Variants in RSAD2 observed in about 807,000 individuals in gnomAD.
The protein encoded by RSAD2 is radical S-adenosyl methionine domain containing 2, also known as S-adenosylmethionine-dependent nucleotide dehydratase RSAD2.
In RSAD2, 38 loss-of-function variants were observed where a neutral mutation model predicts 37.7. That is an observed-to-expected ratio of 1.01 (90% CI 0.78 to 1.32). RSAD2 has a LOEUF of 1.32. Ranked by LOEUF, RSAD2 falls within the 40% of genes most tolerant of loss-of-function variation. The pLI, the probability that RSAD2 is intolerant of heterozygous loss-of-function variation, is 0.00. For missense variants in RSAD2, 428 were observed against 437.5 expected (o/e 0.98, Z 0.19); for synonymous variants, 163 against 157.4 (o/e 1.04, Z -0.27).
At chr2:6,866,296 C>A (rs1663088588) in intron 1 of RSAD2, 1 of 379,296 alleles carries the variant, frequency 2.6e-6, no homozygotes, top group African/African-American at 2.2e-5. Flanking sequence ...CACGCGTCCC[C>A]GCCCCTCTAA....
At chr2:6,875,751 G>A (rs985984925), upstream of RSAD2, among the ~76,000 whole-genome samples, 2 of 152,170 alleles carry the variant, frequency 1.3e-5, no homozygotes, top group Non-Finnish European at 1.5e-5. Flanking sequence ...TACCTGCCCT[G>A]TTCTCTAACA....
rs1047409320 is a variant in RSAD2, at chr2:6,896,351, G to A, written c.*409G>A. On this transcript the variant is annotated 3_prime_UTR_variant, in exon 6 of 6. Transcript: ENST00000382040. ...TATCTGTGGGGGCAAAATTTAATTT[G>A]GATTTGATTTTTTAAAACAATGTTT... 1.3e-5 allele frequency: 2 copies of A among 154,802 alleles called. No individual in the cohort carries two copies. The highest frequency in any genetic ancestry group is 1.3e-4 in the Admixed American group (2 of 15,350). The allele number at this position is 154,802 out of a possible 1,614,324, so 9.6% of individuals were successfully genotyped here. A position where few individuals can be genotyped will look rare whatever the true frequency, so the allele number is the denominator to read the frequency against.
At chr2:6,867,812 A>G (rs775022369) in intron 1 of RSAD2, among the ~76,000 whole-genome samples, 37 of 152,274 alleles carry the variant, frequency 2.4e-4, no homozygotes, top group Non-Finnish European at 4.1e-4. Context: ...TTTCCTCTCT[A>G]TTTTTCACCT....
At position 6,896,031 on chromosome 2, in the gene RSAD2, C is replaced by T; in HGVS notation, c.*89C>T. 1 of 1,326,254 alleles carries T rather than the reference C, an allele frequency of 7.5e-7. No homozygotes were observed. Among genetic ancestry groups the T allele is most frequent in the Non-Finnish European group, 1.0e-6 (1 of 967,786 alleles). The allele number at this position is 1,326,254 out of a possible 1,614,324, so 82.2% of individuals were successfully genotyped here. ...CTGCAATACTATCCCGTTGGTATTT[C>T]CCAGTGGCTGAAAACCTGATTTTCT... On this transcript the variant is annotated 3_prime_UTR_variant, in exon 6 of 6. Transcript: ENST00000382040.
intron 4 of RSAD2, 44 bp downstream of exon 4, chr2:6,890,369 G>T: frequency 6.3e-7 from 1 of 1,598,144 alleles, no homozygotes; most frequent in Non-Finnish European, 8.6e-7. Context: ...CATACATTCA[G>T]ATTGATTCCC....
intron 3 of RSAD2, among the ~76,000 whole-genome samples, chr2:6,888,403 G>A (rs1403546209): frequency 6.6e-6 from 1 of 152,122 alleles, no homozygotes. Context: ...AAAGAGAGAG[G>A]TCTGATAGGA....
upstream of RSAD2, among the ~76,000 whole-genome samples, chr2:6,874,328 TTCTTTACAGCA>T (rs1325480744): frequency 6.6e-6 from 1 of 152,228 alleles, no homozygotes; most frequent in African/African-American, 2.4e-5. Flanking sequence ...TCTTGGGTAT[TTCTTTACAGCA>T]ATGCAAGAAT....
upstream of RSAD2, among the ~76,000 whole-genome samples, chr2:6,873,571 G>A (rs1457816832): frequency 6.6e-6 from 1 of 152,028 alleles, no homozygotes; most frequent in Non-Finnish European, 1.5e-5. Context: ...TTAGGCTTTT[G>A]ATTACTTGGG....
chr2:6,891,747 C>G (rs571141616), intron 4 of RSAD2, among the ~76,000 whole-genome samples: 8 of 152,140 alleles, frequency 5.3e-5, no homozygotes, highest in Admixed American at 3.9e-4. Flanking sequence ...GCCTGGGCGA[C>G]AGAGCGAGAC....
chr2:6,875,112 T>C (rs752493609), upstream of RSAD2, among the ~76,000 whole-genome samples: 1 of 152,192 alleles, frequency 6.6e-6, no homozygotes, highest in Non-Finnish European at 1.5e-5. Context: ...AAAGTTCCTG[T>C]ATGATTAATG....
chr2:6,877,186 A>G (rs1435097202), upstream of RSAD2: 5 of 152,250 alleles, frequency 3.3e-5, no homozygotes, highest in African/African-American at 4.8e-5. Context: ...GAAGATGTAA[A>G]TATCTAAATT....
chr2:6,891,293 G>C (rs1210890596), intron 4 of RSAD2, among the ~76,000 whole-genome samples: 1 of 152,150 alleles, frequency 6.6e-6, no homozygotes, highest in Non-Finnish European at 1.5e-5. Flanking sequence ...GTTGCAGTAA[G>C]AGAGGCAAGT....
At chr2:6,877,109 G>A (rs934949405), upstream of RSAD2, 1 of 152,214 alleles carries the variant, frequency 6.6e-6, no homozygotes, top group Non-Finnish European at 1.5e-5. Context: ...CAATTAGGAA[G>A]CATCTTAGAA....
chr2:6,890,121 G>A, intron 3 of RSAD2, 55 bp from the exon 4 acceptor site: 1 of 1,583,516 alleles, frequency 6.3e-7, no homozygotes, highest in African/African-American at 1.3e-5. Flanking sequence ...GTGAGGTTTG[G>A]GGGAAAACAC....
chr2:6,877,828 G>C lies in RSAD2; in HGVS notation c.28G>C (p.Ala10Pro). The C allele has an allele frequency of 6.2e-7, 1 of 1,613,992 alleles. No individual in the cohort carries two copies. The highest frequency in any genetic ancestry group is 1.3e-5 in the African/African-American group (1 of 75,024). The change falls in exon 1 of 6, where the codon GCT (alanine) becomes CCT (proline). Residue 10 changes from alanine (A) to proline (P), a missense_variant. Transcript: ENST00000382040. ...GTGGGTGCTTACACCTGCTGCTTTT[G>C]CTGGGAAGCTCTTGAGTGTGTTCAG... MWVLTPAAFAGKLLSVFRQP... is the reference protein window; with the variant it reads MWVLTPAAFPGKLLSVFRQP...
rs77576140 is a variant in RSAD2, at chr2:6,883,148, C to A, written c.347-223C>A. ...TGTACCCTTTGGTGTCTGAGCAAGT[C>A]TATTCATCTGTGTAACCAGTTCCCT... On this transcript the variant is annotated intron_variant, in intron 1 of 5. Transcript: ENST00000382040. Among the ~76,000 whole-genome samples the A allele has an allele frequency of 5.3e-3, 807 of 152,278 alleles. 4 individuals are homozygous for A. Among genetic ancestry groups the A allele is most frequent in the African/African-American group, 0.018 (751 of 41,554 alleles).
At chr2:6,892,397 C>A (rs1303049058) in intron 4 of RSAD2, among the ~76,000 whole-genome samples, 1 of 152,154 alleles carries the variant, frequency 6.6e-6, no homozygotes, top group Admixed American at 6.5e-5. Context: ...TTTTAAAACT[C>A]CATCTTAATA....
intron 1 of RSAD2, among the ~76,000 whole-genome samples, chr2:6,880,442 C>T (rs1024168533): frequency 1.8e-4 from 27 of 152,222 alleles, no homozygotes; most frequent in African/African-American, 6.0e-4. Context: ...TGTCTGTTCC[C>T]GTACATCTTC....
chr2:6,890,314 T>A lies in RSAD2; in HGVS notation c.877T>A (p.Ser293Thr), dbSNP rs1164587312. 6.2e-7 allele frequency: 1 copy of A among 1,614,016 alleles called. No individual in the cohort carries two copies. The highest frequency in any genetic ancestry group is 1.3e-5 in the African/African-American group (1 of 74,940). ...HKEVSCLVPE[S>T]NQKMKDSYLI... Reference sequence around the variant, plus strand: ...AGAAGTGTCCTGCTTGGTGCCTGAATCTAACCAGAAGGTTGTATAAAGCAA... The same window carrying A: ...AGAAGTGTCCTGCTTGGTGCCTGAAACTAACCAGAAGGTTGTATAAAGCAA... The change falls in exon 4 of 6, where the codon TCT (serine) becomes ACT (threonine). Residue 293 changes from serine (S) to threonine (T), a missense_variant. Coordinates refer to ENST00000382040, the MANE Select transcript of RSAD2 (RefSeq NM_080657.5).
Sources: gnomAD v4.1 joint callset for allele counts (sites outside exome capture counted in the v4.1 genomes callset) on GRCh38, gnomAD v4.1.1 for gene constraint, MANE v1.5 for transcripts, NCBI Gene and HGNC (gene_info 2026-07-23, HGNC 2026-07-21) for gene names.